Variants in NCOA6 observed in about 807,000 individuals in gnomAD.
NCOA6 encodes the protein nuclear receptor coactivator 6.
A neutral mutation model predicts 171.4 loss-of-function variants in NCOA6; 49 were observed. That is an observed-to-expected ratio of 0.29 (90% CI 0.23 to 0.36). The LOEUF is 0.36. Among genes scored for constraint, NCOA6 ranks in the 10% least tolerant of loss-of-function variants. The pLI is 1.00. For missense variants in NCOA6, 2,248 were observed against 2,554.5 expected, an observed-to-expected ratio of 0.88 and a Z score of 2.59; for synonymous variants, 910 against 927.5, an observed-to-expected ratio of 0.98 and a Z score of 0.34.
intron 4 of NCOA6, among the ~76,000 whole-genome samples, chr20:34,773,769 C>T (rs750100220): frequency 3.9e-5 from 6 of 152,216 alleles, no homozygotes; most frequent in Non-Finnish European, 7.3e-5. Context: ...AGTGATCCAC[C>T]CACCTTGGCC....
At chr20:34,793,151 T>A (rs1164082399) in intron 1 of NCOA6, among the ~76,000 whole-genome samples, 1 of 152,156 alleles carries the variant, frequency 6.6e-6, no homozygotes. Context: ...CACAGACTTA[T>A]ACAAGCATCA....
intron 2 of NCOA6, among the ~76,000 whole-genome samples, chr20:34,791,519 T>G (rs750445815): frequency 6.6e-6 from 1 of 152,176 alleles, no homozygotes; most frequent in South Asian, 2.1e-4. Flanking sequence ...CGTACCTCAA[T>G]GCACTGCTCA....
intron 1 of NCOA6, among the ~76,000 whole-genome samples, chr20:34,806,687 C>A (rs546741781): frequency 6.6e-6 from 1 of 152,000 alleles, no homozygotes; most frequent in South Asian, 2.1e-4. Context: ...ATGTTTTGGG[C>A]GTCTCTGTTG....
At chr20:34,747,976 A>G (rs1044706625) in intron 9 of NCOA6, among the ~76,000 whole-genome samples, 5 of 152,224 alleles carry the variant, frequency 3.3e-5, no homozygotes, top group African/African-American at 7.2e-5. Flanking sequence ...AACAGGCCCA[A>G]GATTCCACAG....
Position 34,740,746 on chromosome 20 carries a change from C to A in NCOA6, c.5510G>T (p.Gly1837Val). Reference protein sequence around the residue: ...LLTKACKKVTGSLEKGEEQYG... With the variant: ...LLTKACKKVTVSLEKGEEQYG... The stretch of plus-strand genomic sequence containing the variant: ...TTGTTCTTCCCCTTTCTCAAGAGAG[C>A]CTGTAACTTTCTTACATGCCTTGGT... Residue 1837 changes from glycine (G) to valine (V), a missense_variant, in exon 11 of 15, where the codon GGC becomes GTC. Around this residue, in one of 7 missense-constraint regions of NCOA6, gnomAD observed 884 missense variants for 941.9 expected, o/e 0.94. Transcript: ENST00000359003. The A allele has an allele frequency of 1.2e-6, 2 of 1,614,232 alleles. No homozygotes were observed. Among genetic ancestry groups the A allele is most frequent in the African/African-American group, 1.3e-5 (1 of 75,060 alleles).
intron 9 of NCOA6, among the ~76,000 whole-genome samples, chr20:34,747,916 AG>A (rs1436032271): frequency 1.3e-5 from 2 of 152,346 alleles, no homozygotes; most frequent in Admixed American, 1.3e-4. Context: ...TATCTGGTCC[AG>A]CCCCATCATG....
intron 5 of NCOA6, among the ~76,000 whole-genome samples, chr20:34,763,417 TC>T (rs1389375408): frequency 1.2e-4 from 18 of 152,268 alleles, no homozygotes; most frequent in Non-Finnish European, 1.0e-4. Flanking sequence ...TAAGTTCTGT[TC>T]CCCCCATCTC....
intron 13 of NCOA6, among the ~76,000 whole-genome samples, chr20:34,729,745 AC>A (rs1274161717): frequency 1.3e-5 from 2 of 151,442 alleles, no homozygotes; most frequent in African/African-American, 4.9e-5. Context: ...TAGACTGTGA[AC>A]CTCTTAAGGA....
At chr20:34,772,966 T>C (rs375165861) in intron 4 of NCOA6, among the ~76,000 whole-genome samples, 6 of 152,174 alleles carry the variant, frequency 3.9e-5, no homozygotes, top group Admixed American at 1.3e-4. Flanking sequence ...CTGCTATCAT[T>C]CCCCTATTTA....
Position 34,768,481 on chromosome 20 carries a change from G to A in NCOA6, c.497C>T (p.Pro166Leu). Residue 166 changes from proline (P) to leucine (L), a missense_variant, in exon 5 of 15, where the codon CCT (proline) becomes CTT (leucine). Transcript: ENST00000359003. ...GGTCTTACCTGGACCACTTGCCATA[G>A]GAAATCCCGCCTCCATCCTAACTGA... The part of the protein sequence containing the change: ...GNSVRMEAGF[P>L]MASGPGIIRM... The A allele has an allele frequency of 6.2e-7, 1 of 1,614,104 alleles. No homozygotes were observed. Among genetic ancestry groups the A allele is most frequent in the Non-Finnish European group, 8.5e-7 (1 of 1,180,006 alleles).
chr20:34,816,394 T>C (rs997431838), intron 1 of NCOA6, among the ~76,000 whole-genome samples: 4 of 151,944 alleles, frequency 2.6e-5, no homozygotes, highest in South Asian at 4.2e-4. Flanking sequence ...TGGGACCTAC[T>C]AGTGACCTTA....
At chr20:34,817,345 A>G (rs190308116) in intron 1 of NCOA6, among the ~76,000 whole-genome samples, 110 of 152,118 alleles carry the variant, frequency 7.2e-4, no homozygotes, top group African/African-American at 2.5e-3. Context: ...TTTGGTGCTC[A>G]TTAATATTAA....
In NCOA6 at chr20:34,782,205, C is replaced by G; in HGVS notation, c.151G>C (p.Ala51Pro). 1.9e-6 allele frequency: 3 copies of G among 1,612,474 alleles called. No homozygotes were observed. The highest frequency in any genetic ancestry group is 2.5e-6 in the Non-Finnish European group (3 of 1,179,216). ...TTATCATCTATATTTCCTTTGAAGG[C>G]CACAAAAATTGTGGAATCCTCCAAA... The part of the protein sequence containing the change: ...SILEDSTIFV[A>P]FKGNIDDKDF... The change falls in exon 3 of 15, where the codon GCC (alanine) becomes CCC (proline). Residue 51 changes from alanine (A) to proline (P), a missense_variant. This residue lies in a region of NCOA6 where 987 missense variants were observed against 1,104.7 expected (regional missense o/e 0.89). Coordinates refer to ENST00000359003, the MANE Select transcript of NCOA6 (RefSeq NM_014071.5).
At chr20:34,796,153 T>G (rs1192452322) in intron 1 of NCOA6, among the ~76,000 whole-genome samples, 1 of 151,280 alleles carries the variant, frequency 6.6e-6, no homozygotes, top group Non-Finnish European at 1.5e-5. Flanking sequence ...GGACTACAGG[T>G]GCACAACCAC....
At chr20:34,804,684 C>T (rs1311502176) in intron 1 of NCOA6, among the ~76,000 whole-genome samples, 2 of 151,812 alleles carry the variant, frequency 1.3e-5, no homozygotes, top group African/African-American at 4.8e-5. Context: ...CATGTTACTT[C>T]CGCTTTCTTT....
chr20:34,787,118 T>C (rs1568852196), intron 2 of NCOA6, among the ~76,000 whole-genome samples: 1 of 129,746 alleles, frequency 7.7e-6, no homozygotes, highest in South Asian at 2.4e-4. Flanking sequence ...TTAAACAAAT[T>C]TATGAAAAAA....
chr20:34,811,189 C>A (rs1352563617), intron 1 of NCOA6, among the ~76,000 whole-genome samples: 3 of 50,260 alleles, frequency 6.0e-5, no homozygotes, highest in African/African-American at 1.5e-4. Flanking sequence ...TTAACAACAA[C>A]AACAACAACG....
intron 11 of NCOA6, chr20:34,738,989 C>T: frequency 2.2e-6 from 1 of 455,704 alleles, no homozygotes; most frequent in Non-Finnish European, 4.4e-6. Context: ...AAAGGTCTTT[C>T]CCAGCTCTAG....
At chr20:34,807,747 G>A (rs1021036973) in intron 1 of NCOA6, among the ~76,000 whole-genome samples, 3 of 151,980 alleles carry the variant, frequency 2.0e-5, no homozygotes, top group East Asian at 2.0e-4. Flanking sequence ...GGATGGTCTC[G>A]ATCTCCTGAC....
Sources: gnomAD v4.1 joint callset for allele counts (sites outside exome capture counted in the v4.1 genomes callset) on GRCh38, gnomAD v4.1.1 for gene constraint, gnomAD v4.1.1 regional missense constraint, MANE v1.5 for transcripts, NCBI Gene and HGNC (gene_info 2026-07-23, HGNC 2026-07-21) for gene names.